Variants in SYNPR observed in about 807,000 individuals in gnomAD.
SYNPR encodes synaptoporin.
A neutral mutation model predicts 32.9 loss-of-function variants in SYNPR; 23 were observed. The ratio of observed to expected loss-of-function variants is 0.70; its 90% CI spans 0.50 to 0.99. The LOEUF is 0.99. Among genes scored for constraint, SYNPR ranks in the 50% least tolerant of loss-of-function variants. The pLI is 0.00. For synonymous variants in SYNPR, 146 were observed against 135.9 expected, an observed-to-expected ratio of 1.07 and a Z score of -0.52; for missense variants, 318 against 349.3, an observed-to-expected ratio of 0.91 and a Z score of 0.71.
chr3:63,446,909 TAA>T (rs1019504003), intron 2 of SYNPR, among the ~76,000 whole-genome samples: 6 of 152,000 alleles, frequency 3.9e-5, no homozygotes, highest in Non-Finnish European at 8.8e-5. Context: ...CCCAGTTAGT[TAA>T]AAAAAGTTCA....
At chr3:63,233,702 A>T (rs2086181607) in intron 1 of SYNPR, among the ~76,000 whole-genome samples, 2 of 141,000 alleles carry the variant, frequency 1.4e-5, no homozygotes. Context: ...TAAACTTGAG[A>T]TAAATGACAG....
intron 4 of SYNPR, among the ~76,000 whole-genome samples, chr3:63,582,067 C>T (rs1408194476): frequency 6.6e-6 from 1 of 152,024 alleles, no homozygotes; most frequent in Non-Finnish European, 1.5e-5. Flanking sequence ...CTGTGAAATA[C>T]GGAATCAAGA....
chr3:63,227,292 G>A (rs2086135441), upstream of SYNPR, among the ~76,000 whole-genome samples: 1 of 152,178 alleles, frequency 6.6e-6, no homozygotes, highest in Admixed American at 6.5e-5. Context: ...TAAGAGCTAA[G>A]ATCTGTCAGT....
intron 2 of SYNPR, among the ~76,000 whole-genome samples, chr3:63,428,339 A>G (rs1699927469): frequency 6.6e-6 from 1 of 152,240 alleles, no homozygotes; most frequent in East Asian, 1.9e-4. Flanking sequence ...TTTATATCAC[A>G]TTATTGCCTC....
At position 63,596,948 on chromosome 3, in the gene SYNPR, G is replaced by T. The variant is rs532324529; in HGVS notation, c.409-12177G>T. Among the ~76,000 whole-genome samples the T allele has an allele frequency of 7.9e-5, 12 of 152,232 alleles. 1 individual carries two copies. In the South Asian group the frequency reaches 2.5e-3, roughly 32 times the overall value. ...TTATGAATTAAGATGTACTGTAAGT[G>T]TAAAATACACATCACGTTTCAAAGA... On this transcript the variant is annotated intron_variant, in intron 4 of 5. Coordinates refer to ENST00000478300, the MANE Select transcript of SYNPR (RefSeq NM_001130003.2).
intron 2 of SYNPR, among the ~76,000 whole-genome samples, chr3:63,430,121 C>T (rs1320314796): frequency 2.0e-5 from 3 of 152,158 alleles, no homozygotes; most frequent in Non-Finnish European, 2.9e-5. Context: ...AACTTTGGCA[C>T]ATTGCCAGAT....
rs114858038 is a variant in SYNPR at position 63,263,790 on chromosome 3, A to G, written n.155-3527A>G. On this transcript the variant is annotated intron_variant and non_coding_transcript_variant, in intron 2 of 4. Transcript: ENST00000478456. Reference sequence around the variant, plus strand: ...AGAAAAAGCATCTTAAGATATAGCAAGTGGGAGCTGCCATTTCTTAAGAGC... The same window carrying G: ...AGAAAAAGCATCTTAAGATATAGCAGGTGGGAGCTGCCATTTCTTAAGAGC... 5.5e-3 allele frequency among the ~76,000 whole-genome samples: 845 copies of G among 152,260 alleles called. 4 individuals are homozygous for G. The highest frequency in any genetic ancestry group is 0.019 in the African/African-American group (789 of 41,562).
At chr3:63,368,862 T>C (rs555708454) in intron 2 of SYNPR, among the ~76,000 whole-genome samples, 88 of 152,332 alleles carry the variant, frequency 5.8e-4, no homozygotes, top group African/African-American at 2.1e-3. Context: ...GTGTTGTTGA[T>C]AGACATTCAA....
intron 4 of SYNPR, among the ~76,000 whole-genome samples, chr3:63,577,258 T>C (rs1703001495): frequency 6.6e-6 from 1 of 152,224 alleles, no homozygotes; most frequent in Admixed American, 6.5e-5. Context: ...GAAATCTTCC[T>C]AATTGAATTC....
At chr3:63,265,238 A>ATTTTTTT (rs1560172997) in intron 2 of SYNPR, among the ~76,000 whole-genome samples, 1 of 87,898 alleles carries the variant, frequency 1.1e-5, no homozygotes, top group Non-Finnish European at 2.3e-5. Flanking sequence ...TTCTAATGAC[A>ATTTTTTT]TTCTTTTTTT....
chr3:63,595,858 TAG>T (rs1699947742), intron 4 of SYNPR, among the ~76,000 whole-genome samples: 4 of 82,696 alleles, frequency 4.8e-5, no homozygotes, highest in African/African-American at 9.3e-5. Context: ...TATATATATA[TAG>T]TTATATATAT....
At chr3:63,224,940 A>T (rs892335612), upstream of SYNPR, among the ~76,000 whole-genome samples, 4 of 152,182 alleles carry the variant, frequency 2.6e-5, no homozygotes, top group African/African-American at 9.6e-5. Context: ...TCCCTGATGA[A>T]CAGGGTGGAT....
intron 2 of SYNPR, among the ~76,000 whole-genome samples, chr3:63,439,135 G>GA (rs1169450379): frequency 3.3e-5 from 5 of 151,312 alleles, no homozygotes; most frequent in African/African-American, 4.9e-5. Flanking sequence ...CCATTCAGAG[G>GA]AAAAAAAAAT....
At chr3:63,498,212 A>G (rs1701408178) in intron 3 of SYNPR, among the ~76,000 whole-genome samples, 1 of 152,120 alleles carries the variant, frequency 6.6e-6, no homozygotes, top group African/African-American at 2.4e-5. Flanking sequence ...ATCTTAGCTA[A>G]TTGGATGGGA....
chr3:63,566,365 C>T (rs1702788984), intron 4 of SYNPR, among the ~76,000 whole-genome samples: 1 of 152,126 alleles, frequency 6.6e-6, no homozygotes, highest in Non-Finnish European at 1.5e-5. Flanking sequence ...CCCTCAGATA[C>T]TGCTGGGTTT....
chr3:63,613,116 C>T (rs1474912083), intron 5 of SYNPR, among the ~76,000 whole-genome samples: 1 of 151,366 alleles, frequency 6.6e-6, no homozygotes, highest in Non-Finnish European at 1.5e-5. Flanking sequence ...CTTCTGAGTA[C>T]CTGGGACTAC....
At chr3:63,367,608 G>A (rs1032843368) in intron 2 of SYNPR, among the ~76,000 whole-genome samples, 6 of 151,936 alleles carry the variant, frequency 3.9e-5, no homozygotes, top group South Asian at 2.1e-4. Flanking sequence ...TGCCTGCCTC[G>A]GCCTCCTAAA....
At chr3:63,506,201 G>C (rs1050027774) in intron 3 of SYNPR, among the ~76,000 whole-genome samples, 1 of 151,248 alleles carries the variant, frequency 6.6e-6, no homozygotes, top group African/African-American at 2.4e-5. Context: ...TAGCCTTACA[G>C]AGCAAATTTG....
intron 3 of SYNPR, among the ~76,000 whole-genome samples, chr3:63,268,742 A>C (rs2106907130): frequency 6.6e-6 from 1 of 152,244 alleles, no homozygotes; most frequent in Non-Finnish European, 1.5e-5. Flanking sequence ...ATGTACAATA[A>C]CTCACACAGT....
Sources: gnomAD v4.1 joint callset for allele counts (sites outside exome capture counted in the v4.1 genomes callset) on GRCh38, gnomAD v4.1.1 for gene constraint, MANE v1.5 for transcripts, NCBI Gene and HGNC (gene_info 2026-07-23, HGNC 2026-07-21) for gene names.